Variants in PIR observed in about 807,000 individuals in gnomAD.
PIR encodes pirin (iron-binding nuclear protein).
Under a neutral mutation model 24.2 loss-of-function variants are expected in PIR, and 22 were observed. The ratio of observed to expected loss-of-function variants is 0.91; its 90% CI spans 0.65 to 1.30. PIR has a LOEUF of 1.30. Among genes scored for constraint, PIR ranks in the 50% most tolerant of loss-of-function variants. The pLI, the probability that PIR is intolerant of heterozygous loss-of-function variation, is 0.00. For synonymous variants in PIR, 80 were observed against 79.6 expected (o/e 1.00, Z -0.03); for missense variants, 220 against 220.3 (o/e 1.00, Z 0.01).
intron 3 of PIR, among the ~76,000 whole-genome samples, chrX:15,459,987 G>A (rs1921236640): frequency 9.2e-6 from 1 of 109,276 alleles, no homozygotes; most frequent in African/African-American, 3.3e-5. Context: ...TGGCCAACAG[G>A]TATATGAAAA....
At chrX:15,440,212 T>C (rs777942787) in intron 5 of PIR, among the ~76,000 whole-genome samples, 1 of 112,042 alleles carries the variant, frequency 8.9e-6, no homozygotes, top group South Asian at 3.7e-4. Context: ...TTTAGATATA[T>C]GGGTGTCCTT....
At chrX:15,473,538 TTTTTTA>T (rs1922036304) in intron 3 of PIR, among the ~76,000 whole-genome samples, 1 of 112,021 alleles carries the variant, frequency 8.9e-6, no homozygotes, top group African/African-American at 3.2e-5. Context: ...TTTTGAATAC[TTTTTTA>T]TTTTTATTTA....
chrX:15,396,683 A>T (rs1393622325), intron 8 of PIR, among the ~76,000 whole-genome samples: 1 of 111,631 alleles, frequency 9.0e-6, no homozygotes. Flanking sequence ...AAGAGCAGGG[A>T]TTCATCACAA....
chrX:15,427,224 T>C (rs1454010612), intron 5 of PIR, among the ~76,000 whole-genome samples: 1 of 111,186 alleles, frequency 9.0e-6, no homozygotes, highest in Non-Finnish European at 1.9e-5. Context: ...GGTTAGCAAG[T>C]AGAAAAGGAT....
intron 3 of PIR, among the ~76,000 whole-genome samples, chrX:15,477,710 G>A (rs1224968817): frequency 9.0e-6 from 1 of 111,442 alleles, no homozygotes; most frequent in African/African-American, 3.3e-5. Context: ...TAAATACACT[G>A]TGAAAGGTCA....
At chrX:15,403,966 G>C (rs1226427290) in intron 7 of PIR, among the ~76,000 whole-genome samples, 1 of 106,411 alleles carries the variant, frequency 9.4e-6, no homozygotes, top group Non-Finnish European at 1.9e-5. Flanking sequence ...GACTTACTTT[G>C]ACAACTAGTT....
intron 3 of PIR, among the ~76,000 whole-genome samples, chrX:15,478,826 C>T (rs1007526494): frequency 1.8e-4 from 20 of 111,402 alleles, no homozygotes; most frequent in African/African-American, 5.9e-4. Flanking sequence ...CCCTAACATA[C>T]AAAAGATCAC....
chrX:15,401,296 A>G (rs1026681861), intron 7 of PIR, among the ~76,000 whole-genome samples: 2 of 104,907 alleles, frequency 1.9e-5, no homozygotes, highest in Non-Finnish European at 3.8e-5. Context: ...GGCTCAAGCA[A>G]TCCTCCCACC....
intron 7 of PIR, among the ~76,000 whole-genome samples, chrX:15,401,878 T>C (rs1453379848): frequency 8.9e-6 from 1 of 112,315 alleles, no homozygotes; most frequent in Non-Finnish European, 1.9e-5. Flanking sequence ...TTATTCTCTG[T>C]TCCGTACACT....
At chrX:15,402,934 G>A (rs1236310489) in intron 7 of PIR, among the ~76,000 whole-genome samples, 1 of 111,550 alleles carries the variant, frequency 9.0e-6, no homozygotes, top group African/African-American at 3.3e-5. Context: ...TCAATTATTG[G>A]TGCAACTAGC....
At chrX:15,487,318 T>C (rs748967321) in intron 2 of PIR, among the ~76,000 whole-genome samples, 1 of 98,191 alleles carries the variant, frequency 1.0e-5, no homozygotes, top group South Asian at 4.2e-4. Flanking sequence ...TTTTTGTAAG[T>C]ATGATAATGA....
At chrX:15,483,174 T>TATATATATATAG (rs955424390) in intron 2 of PIR, among the ~76,000 whole-genome samples, 1 of 98,747 alleles carries the variant, frequency 1.0e-5, no homozygotes, top group Non-Finnish European at 2.0e-5. Flanking sequence ...CATATATATA[T>TATATATATATAG]AAATTCAACA....
intron 8 of PIR, among the ~76,000 whole-genome samples, chrX:15,392,745 T>C (rs1923998667): frequency 8.9e-6 from 1 of 112,271 alleles, no homozygotes; most frequent in Non-Finnish European, 1.9e-5. Flanking sequence ...TTAAAAAGTC[T>C]CTGTTTAACC....
At chrX:15,487,493 G>T (rs1278831800) in intron 2 of PIR, among the ~76,000 whole-genome samples, 1 of 111,858 alleles carries the variant, frequency 8.9e-6, no homozygotes, top group African/African-American at 3.2e-5. Context: ...GTGGATGCAA[G>T]GAACATGGAG....
chrX:15,484,561 C>T (rs1043873954), intron 2 of PIR, among the ~76,000 whole-genome samples: 10 of 110,432 alleles, frequency 9.1e-5, no homozygotes, highest in African/African-American at 3.3e-4. Flanking sequence ...GTGATCCACC[C>T]ACCTCAGCCT....
At chrX:15,430,362 G>A (rs1480564866) in intron 5 of PIR, among the ~76,000 whole-genome samples, 1 of 111,433 alleles carries the variant, frequency 9.0e-6, no homozygotes, top group East Asian at 2.8e-4. Flanking sequence ...TAAAGTTTTA[G>A]CCTATATTTC....
chrX:15,420,005 T>C (rs1296312106), intron 6 of PIR, among the ~76,000 whole-genome samples: 1 of 110,983 alleles, frequency 9.0e-6, no homozygotes, highest in Admixed American at 9.6e-5. Context: ...AAGACCAGCC[T>C]GGGCAACATG....
At chrX:15,401,530 C>T (rs1450259052) in intron 7 of PIR, among the ~76,000 whole-genome samples, 1 of 111,562 alleles carries the variant, frequency 9.0e-6, no homozygotes, top group Non-Finnish European at 1.9e-5. Flanking sequence ...ATTCGCCCAT[C>T]TGGTTATCTC....
At chrX:15,442,070 TA>T (rs1319889197) in intron 5 of PIR, among the ~76,000 whole-genome samples, 3 of 109,063 alleles carry the variant, frequency 2.8e-5, no homozygotes, top group Admixed American at 9.7e-5. Context: ...TAAATATATG[TA>T]TTTTTTTTTT....
Sources: allele counts gnomAD v4.1 joint callset (sites outside exome capture counted in the v4.1 genomes callset), GRCh38; gene constraint gnomAD v4.1.1; transcripts MANE v1.5; gene names NCBI Gene and HGNC (gene_info 2026-07-23, HGNC 2026-07-21).